PPFIBP2: variants seen among roughly 807,000 people sequenced by gnomAD.
The protein encoded by PPFIBP2 is liprin-beta-2.
Under a neutral mutation model 118.3 loss-of-function variants are expected in PPFIBP2, and 118 were observed. That is an observed-to-expected ratio of 1.00 (90% CI 0.86 to 1.16). The LOEUF is 1.16. Among genes scored for constraint, PPFIBP2 ranks in the 50% most tolerant of loss-of-function variants. The probability of loss-of-function intolerance (pLI) is 0.00; values close to 1 mark genes in which losing one functional copy is unlikely to be tolerated. For synonymous variants in PPFIBP2, 414 were observed against 397.4 expected (o/e 1.04, Z -0.50); for missense variants, 1,195 against 1,073.1 (o/e 1.11, Z -1.59).
At position 7,648,424 on chromosome 11, in the gene PPFIBP2, C is replaced by CGT. The variant is rs1853449144; in HGVS notation, c.1692_1693dup (p.Ala565ValfsTer13). On this transcript the variant is annotated frameshift_variant, in exon 18 of 24. Transcript: ENST00000299492. LOFTEE classifies it high-confidence loss of function. ...CCCCTTTGCCCAGTGGAGCACAGAG[C>CGT]GTGTGTGTGCATGGCTGGAGGACTT... The CGT allele has an allele frequency of 6.2e-7, 1 of 1,614,092 alleles. No individual in the cohort carries two copies. The highest frequency in any genetic ancestry group is 1.1e-5 in the South Asian group (1 of 91,066).
At chr11:7,565,921 T>C (rs1254568388) in intron 3 of PPFIBP2, among the ~76,000 whole-genome samples, 154 bp downstream of exon 3, 4 of 152,262 alleles carry the variant, frequency 2.6e-5, no homozygotes, top group East Asian at 1.9e-4. Flanking sequence ...TGGCCCTTCT[T>C]ATCAAGGAGT....
intron 3 of PPFIBP2, 150 bp downstream of exon 3, chr11:7,565,917 T>C (rs1854917341): frequency 6.0e-6 from 5 of 830,444 alleles, no homozygotes; most frequent in Non-Finnish European, 9.3e-6. Context: ...AGGGTGGCCC[T>C]TCTTATCAAG....
intron 12 of PPFIBP2, 67 bp downstream of exon 12, chr11:7,633,001 G>GA (rs1850978993): frequency 7.0e-7 from 1 of 1,426,952 alleles, no homozygotes; most frequent in Admixed American, 1.7e-5. Flanking sequence ...TGCCGAAGTA[G>GA]ATGGTGATGA....
At chr11:7,599,953 T>G (rs2135367010) in intron 5 of PPFIBP2, among the ~76,000 whole-genome samples, 1 of 152,102 alleles carries the variant, frequency 6.6e-6, no homozygotes, top group Middle Eastern at 3.4e-3. Flanking sequence ...CTCAATTACC[T>G]TTTTTAGCCC....
intron 5 of PPFIBP2, among the ~76,000 whole-genome samples, chr11:7,603,994 G>A (rs117903582): frequency 2.6e-5 from 4 of 152,062 alleles, no homozygotes; most frequent in African/African-American, 4.8e-5. Context: ...CATATACTGC[G>A]GTAGCTGCAT....
chr11:7,651,930 G>C (rs1342045678), intron 23 of PPFIBP2, 86 bp downstream of exon 23: 4 of 1,282,388 alleles, frequency 3.1e-6, no homozygotes, highest in African/African-American at 3.0e-5. Flanking sequence ...CCCACAGCCA[G>C]AGCAGCATGC....
rs145339435 is a variant in PPFIBP2, at chr11:7,545,989, C to A, written c.-36-3451C>A. Among the ~76,000 whole-genome samples the A allele has an allele frequency of 5.3e-5, 8 of 152,288 alleles. No homozygotes were observed. In the South Asian group the frequency reaches 1.7e-3, roughly 32 times the overall value. The stretch of plus-strand genomic sequence containing the variant: ...TAATCATATCTATGGAATGGAACTT[C>A]TATAAGAAACCCTAAATGAAGGAAG... On this transcript the variant is annotated intron_variant, in intron 1 of 23. Transcript: ENST00000299492.
intron 6 of PPFIBP2, among the ~76,000 whole-genome samples, chr11:7,614,515 C>T (rs1477175275): frequency 1.3e-5 from 2 of 152,102 alleles, no homozygotes; most frequent in East Asian, 1.9e-4. Context: ...TTTAATCAGT[C>T]GTCTCTCAGT....
In PPFIBP2 at chr11:7,648,920, A is replaced by G; in HGVS notation, c.1909+9A>G. On this transcript the variant is annotated intron_variant, in intron 19 of 23. Coordinates refer to ENST00000299492, the MANE Select transcript of PPFIBP2 (RefSeq NM_003621.5). The stretch of plus-strand genomic sequence containing the variant: ...CCACATTTGGGTGACAAGTAAGGAT[A>G]GGCATATATGTATTAAGAATGTCTC... The G allele has an allele frequency of 1.9e-6, 3 of 1,603,792 alleles. 1 individual carries two copies. In the South Asian group the frequency reaches 3.3e-5, roughly 18 times the overall value.
downstream of PPFIBP2, chr11:7,656,879 C>T: frequency 9.4e-7 from 1 of 1,059,062 alleles, no homozygotes; most frequent in Non-Finnish European, 1.3e-6. Flanking sequence ...GGCACACAGC[C>T]CCCTCTGCAA....
At position 7,629,812 on chromosome 11, in the gene PPFIBP2, T is replaced by C. The variant is rs1850517514; in HGVS notation, c.964+278T>C. ...TTCCCCACCCTTGGAAGGTCTCTTA[T>C]GCATCTTCCCAGGACACGCCTTAGA... On this transcript the variant is annotated intron_variant, in intron 10 of 23. Transcript: ENST00000299492. 2.6e-5 allele frequency among the ~76,000 whole-genome samples: 4 copies of C among 152,208 alleles called. No homozygotes were observed. In the South Asian group the frequency reaches 8.3e-4, roughly 32 times the overall value.
At position 7,542,301 on chromosome 11, in the gene PPFIBP2, C is replaced by T. The variant is rs182384386; in HGVS notation, c.-36-7139C>T. 1.1e-4 allele frequency among the ~76,000 whole-genome samples: 16 copies of T among 152,266 alleles called. No individual in the cohort carries two copies. In the East Asian group the frequency reaches 3.1e-3, roughly 29 times the overall value. ...TAGCAAATAGCTAACAGTTATCTGC[C>T]CAATATATGGTAACTAAAGAGGAGA... On this transcript the variant is annotated intron_variant, in intron 1 of 23. Transcript: ENST00000299492.
intron 2 of PPFIBP2, among the ~76,000 whole-genome samples, chr11:7,561,655 A>G (rs11041456): frequency 0.17 from 25,330 of 152,194 alleles, 2,134 homozygotes; most frequent in African/African-American, 0.18. Flanking sequence ...TTAGCAGTGT[A>G]TGGCAAGTGC....
intron 6 of PPFIBP2, among the ~76,000 whole-genome samples, chr11:7,619,938 G>A (rs1317132480): frequency 6.6e-6 from 1 of 152,184 alleles, no homozygotes; most frequent in South Asian, 2.1e-4. Flanking sequence ...GAAAGCCTAT[G>A]GAAGTAATTA....
chr11:7,593,035 A>C, intron 3 of PPFIBP2, 97 bp from the exon 4 acceptor site: 1 of 1,504,006 alleles, frequency 6.6e-7, no homozygotes, highest in Non-Finnish European at 8.9e-7. Flanking sequence ...CAGTGAAACT[A>C]TCCTCACAAA....
intron 3 of PPFIBP2, among the ~76,000 whole-genome samples, chr11:7,572,277 C>G (rs1217353995): frequency 6.6e-6 from 1 of 152,142 alleles, no homozygotes; most frequent in South Asian, 2.1e-4. Context: ...GCTTCCTGTC[C>G]CCTGGGGGAT....
At chr11:7,655,623 C>T, downstream of PPFIBP2, 1 of 798,142 alleles carries the variant, frequency 1.3e-6, no homozygotes. Flanking sequence ...GTGCTGGGGT[C>T]ACAGCCTGAG....
chr11:7,648,463 T>C lies in PPFIBP2; in HGVS notation c.1723T>C (p.Tyr575His). The C allele has an allele frequency of 1.2e-6, 2 of 1,614,088 alleles. No homozygotes were observed. The highest frequency in any genetic ancestry group is 1.7e-6 in the Non-Finnish European group (2 of 1,180,016). Residue 575 changes from tyrosine to histidine, a missense_variant, in exon 18 of 24, where the codon TAT becomes CAT. By Grantham distance (83) the Tyr-to-His change is moderately conservative. Coordinates refer to ENST00000299492, the MANE Select transcript of PPFIBP2 (RefSeq NM_003621.5). ...GCTGGAGGACTTTGGCCTGGCTCAG[T>C]ATGTGATCTTTGCCAGGCAGTGGGT... ...AWLEDFGLAQ[Y>H]VIFARQWVSS... is the part of the protein sequence containing the mutation.
chr11:7,618,385 A>C (rs1410318172), intron 6 of PPFIBP2, among the ~76,000 whole-genome samples: 1 of 152,234 alleles, frequency 6.6e-6, no homozygotes, highest in African/African-American at 2.4e-5. Flanking sequence ...GATGTTCCAG[A>C]GGTCACGGAG....
Sources: gnomAD v4.1 joint callset for allele counts (sites outside exome capture counted in the v4.1 genomes callset) on GRCh38, gnomAD v4.1.1 for gene constraint, MANE v1.5 for transcripts, NCBI Gene and HGNC (gene_info 2026-07-23, HGNC 2026-07-21) for gene names.